The following ANTXR2 variants were observed in gnomAD, a reference collection of about 807,000 sequenced individuals.
ANTXR2 encodes the protein anthrax toxin receptor 2.
Under a neutral mutation model 73.7 loss-of-function variants are expected in ANTXR2, and 44 were observed. The observed-to-expected ratio is 0.60, with a 90% confidence interval of 0.47 to 0.77. ANTXR2 has a LOEUF of 0.77. ANTXR2 is among the 30% of genes least tolerant of loss of function. The probability of loss-of-function intolerance (pLI) is 0.00; values close to 1 mark genes in which losing one functional copy is unlikely to be tolerated. For synonymous variants in ANTXR2, 217 were observed against 205.9 expected, an observed-to-expected ratio of 1.05 and a Z score of -0.46; for missense variants, 604 against 592.5, an observed-to-expected ratio of 1.02 and a Z score of -0.20.
At chr4:79,964,028 AGATTT>A (rs544842586) in intron 16 of ANTXR2, among the ~76,000 whole-genome samples, 99 of 152,330 alleles carry the variant, frequency 6.5e-4, no homozygotes, top group Middle Eastern at 3.4e-3. Flanking sequence ...CCATCGGCAA[AGATTT>A]AATTTAATTT....
In ANTXR2 at chr4:80,072,631, G is replaced by T; in HGVS notation, c.-71C>A. The T allele has an allele frequency of 7.3e-7, 1 of 1,377,000 alleles. No individual in the cohort carries two copies. Among genetic ancestry groups the T allele is most frequent in the Non-Finnish European group, 9.4e-7 (1 of 1,066,810 alleles). The allele number at this position is 1,377,000 out of a possible 1,614,324, so 85.3% of individuals were successfully genotyped here. ...AGCTCAGGAGGGTCGCAAAGGTGGC[G>T]GGAGTCACCCGGCACGCACTCTGGG... On this transcript the variant is annotated 5_prime_UTR_variant, in exon 1 of 17. Transcript: ENST00000403729.
In ANTXR2 at chr4:79,965,739, TC is replaced by T. The variant is rs1578117475; in HGVS notation, c.1428+11881del. On this transcript the variant is annotated intron_variant, in intron 16 of 16. Transcript: ENST00000403729. ...GACCTTAACAGACAATAACATTTGT[TC>T]CAGTGAACTTTTTGCTATGCATAGA... Among the ~76,000 whole-genome samples the T allele has an allele frequency of 2.6e-5, 4 of 152,210 alleles. 1 individual carries two copies. The South Asian group carries it at 8.3e-4, about 32-fold the overall frequency.
intron 16 of ANTXR2, among the ~76,000 whole-genome samples, chr4:79,944,744 T>C (rs1235392250): frequency 2.0e-5 from 3 of 152,160 alleles, no homozygotes; most frequent in Non-Finnish European, 4.4e-5. Flanking sequence ...ATTAATCTTT[T>C]AAATACATTA....
At chr4:80,050,177 G>A (rs572724093) in intron 7 of ANTXR2, among the ~76,000 whole-genome samples, 12 of 151,746 alleles carry the variant, frequency 7.9e-5, no homozygotes, top group South Asian at 6.2e-4. Context: ...CTGAATGTGC[G>A]GTCCAGAAAT....
At chr4:80,050,429 T>C (rs1425877905) in intron 7 of ANTXR2, among the ~76,000 whole-genome samples, 1 of 151,676 alleles carries the variant, frequency 6.6e-6, no homozygotes, top group Admixed American at 6.6e-5. Flanking sequence ...TCTCTCTCAG[T>C]GGACTGCCCG....
At chr4:80,015,636 A>G (rs1261872991) in intron 11 of ANTXR2, among the ~76,000 whole-genome samples, 1 of 148,118 alleles carries the variant, frequency 6.8e-6, no homozygotes. Flanking sequence ...ATAAAACCTG[A>G]AAAAAAAAAT....
intron 7 of ANTXR2, among the ~76,000 whole-genome samples, chr4:80,051,157 C>T (rs1188678426): frequency 6.6e-6 from 1 of 151,706 alleles, no homozygotes; most frequent in African/African-American, 2.4e-5. Flanking sequence ...CTAAACCCAT[C>T]CTGTCTTTAT....
At chr4:79,952,876 G>A (rs1014953363) in intron 16 of ANTXR2, among the ~76,000 whole-genome samples, 22 of 151,734 alleles carry the variant, frequency 1.4e-4, no homozygotes, top group African/African-American at 5.3e-4. Context: ...TGATGCCCTA[G>A]GAATAAAGGA....
intron 4 of ANTXR2, 26 bp from the exon 5 acceptor site, chr4:80,055,493 C>T: frequency 1.9e-6 from 3 of 1,562,248 alleles, no homozygotes; most frequent in South Asian, 1.1e-5. Context: ...AATTATCCAA[C>T]TCACAATTTA....
chr4:79,997,246 T>C (rs1446537656), intron 12 of ANTXR2, among the ~76,000 whole-genome samples: 1 of 151,728 alleles, frequency 6.6e-6, no homozygotes, highest in South Asian at 2.1e-4. Flanking sequence ...ACTGTCAACA[T>C]TGAATTGCCT....
At chr4:80,011,274 T>G (rs951896043) in intron 11 of ANTXR2, among the ~76,000 whole-genome samples, 15 of 20,718 alleles carry the variant, frequency 7.2e-4, no homozygotes, top group African/African-American at 1.4e-3. Context: ...GGTCTTGCTA[T>G]CTATCTATCT....
chr4:79,976,079 A>T (rs573081813), intron 16 of ANTXR2, among the ~76,000 whole-genome samples: 1 of 151,758 alleles, frequency 6.6e-6, no homozygotes, highest in South Asian at 2.1e-4. Context: ...CGCCCTGCTA[A>T]TTTTTTTTAT....
chr4:79,992,073 CT>C (rs1196600761), intron 12 of ANTXR2, among the ~76,000 whole-genome samples: 2 of 151,862 alleles, frequency 1.3e-5, no homozygotes, highest in Admixed American at 6.6e-5. Flanking sequence ...TAATTTACCC[CT>C]GTAACAATCC....
intron 4 of ANTXR2, among the ~76,000 whole-genome samples, 164 bp downstream of exon 4, chr4:80,055,768 G>C (rs570519330): frequency 1.3e-5 from 2 of 151,842 alleles, no homozygotes; most frequent in Non-Finnish European, 2.9e-5. Flanking sequence ...CATCACCATA[G>C]TAAATAATTT....
chr4:80,056,670 T>A (rs1192155552), intron 3 of ANTXR2, among the ~76,000 whole-genome samples: 1 of 151,866 alleles, frequency 6.6e-6, no homozygotes, highest in East Asian at 1.9e-4. Flanking sequence ...TATGGATAGA[T>A]GGATGAATTA....
At chr4:79,959,062 A>G (rs1729045546) in intron 16 of ANTXR2, among the ~76,000 whole-genome samples, 1 of 152,126 alleles carries the variant, frequency 6.6e-6, no homozygotes, top group Admixed American at 6.6e-5. Flanking sequence ...ATGCAACTGC[A>G]AGCAAAAAAA....
chr4:79,932,621 G>A (rs935298301), intron 16 of ANTXR2, among the ~76,000 whole-genome samples: 5 of 151,346 alleles, frequency 3.3e-5, no homozygotes, highest in Admixed American at 6.6e-5. Context: ...GTGAAACCCC[G>A]TCTCTACTAA....
intron 16 of ANTXR2, among the ~76,000 whole-genome samples, chr4:79,966,149 C>CACACACAT (rs1729353381): frequency 6.6e-6 from 1 of 151,828 alleles, no homozygotes; most frequent in Non-Finnish European, 1.5e-5. Context: ...CACACACACA[C>CACACACAT]ACACACTACT....
At chr4:79,960,481 T>C (rs1729101547) in intron 16 of ANTXR2, among the ~76,000 whole-genome samples, 2 of 152,050 alleles carry the variant, frequency 1.3e-5, no homozygotes, top group African/African-American at 4.8e-5. Context: ...AATGAGTTTG[T>C]AGAAATTATC....
Sources: gnomAD v4.1 joint callset for allele counts (sites outside exome capture counted in the v4.1 genomes callset) on GRCh38, gnomAD v4.1.1 for gene constraint, MANE v1.5 for transcripts, NCBI Gene and HGNC (gene_info 2026-07-23, HGNC 2026-07-21) for gene names.